MAML2: variants seen among roughly 807,000 people sequenced by gnomAD.
MAML2 encodes mastermind-like protein 2.
In MAML2, 22 loss-of-function variants were observed where a neutral mutation model predicts 96.1. The ratio of observed to expected loss-of-function variants is 0.23; its 90% confidence interval spans 0.16 to 0.33. The LOEUF (loss-of-function observed/expected upper bound fraction) is 0.33, where lower values mean the gene tolerates loss of function less well. Among genes scored for constraint, MAML2 ranks in the 10% least tolerant of loss-of-function variants. The pLI, the probability that MAML2 is intolerant of heterozygous loss-of-function variation, is 1.00. For synonymous variants in MAML2, 561 were observed against 521.3 expected (o/e 1.08, Z -1.04); for missense variants, 1,367 against 1,392.4 (o/e 0.98, Z 0.29).
Position 96,277,305 on chromosome 11 carries a change from A to C in MAML2, c.513+64078T>G, listed in dbSNP as rs552737932. Among the ~76,000 whole-genome samples the C allele has an allele frequency of 2.1e-3, 317 of 152,228 alleles. 1 individual carries two copies. Among genetic ancestry groups the C allele is most frequent in the African/African-American group, 7.4e-3 (308 of 41,496 alleles). On this transcript the variant is annotated intron_variant, in intron 1 of 4. Coordinates refer to ENST00000524717, the MANE Select transcript of MAML2 (RefSeq NM_032427.4). ...GAGTGTTTGTTACACGCACAGAATG[A>C]GAGATGATCAAGTCAGGGTATTTGG...
Position 96,305,675 on chromosome 11 carries a change from C to G in MAML2, c.513+35708G>C, listed in dbSNP as rs866430928. 8.6e-4 allele frequency among the ~76,000 whole-genome samples: 131 copies of G among 152,270 alleles called. 1 individual carries two copies. Among genetic ancestry groups the G allele is most frequent in the African/African-American group, 3.1e-3 (129 of 41,532 alleles). On this transcript the variant is annotated intron_variant, in intron 1 of 4. Coordinates refer to ENST00000524717, the MANE Select transcript of MAML2 (RefSeq NM_032427.4). ...GATATCTGTAAGTTACTATTCAAGTCATCTAATACACAAAGGGAATTTTTT... is the reference window on the plus strand; with the variant it reads ...GATATCTGTAAGTTACTATTCAAGTGATCTAATACACAAAGGGAATTTTTT...
intron 2 of MAML2, among the ~76,000 whole-genome samples, chr11:96,011,811 T>C (rs1858271380): frequency 6.6e-6 from 1 of 152,192 alleles, no homozygotes; most frequent in African/African-American, 2.4e-5. Context: ...TTTAGGAAAA[T>C]GCCAAGACAT....
chr11:96,107,752 C>T (rs780364795), intron 1 of MAML2, among the ~76,000 whole-genome samples: 1 of 152,048 alleles, frequency 6.6e-6, no homozygotes, highest in Non-Finnish European at 1.5e-5. Context: ...ATTTAATCAA[C>T]CACGTCTATG....
chr11:96,143,774 A>G (rs570420069), intron 1 of MAML2, among the ~76,000 whole-genome samples: 1 of 152,278 alleles, frequency 6.6e-6, no homozygotes, highest in Admixed American at 6.5e-5. Context: ...TTTAATCACA[A>G]TCTCCACCTC....
Position 96,092,359 on chromosome 11 carries a change from G to C in MAML2, c.1672C>G (p.Pro558Ala), listed in dbSNP as rs1204779995. Reference protein sequence around the residue: ...AMEPRQGNTKPLFHFNSDQAN... With the variant: ...AMEPRQGNTKALFHFNSDQAN... Reference sequence around the variant, plus strand: ...TGATCTGAGTTAAAATGAAACAAAGGCTTGGTGTTGCCCTGACGGGGCTCC... The same window carrying C: ...TGATCTGAGTTAAAATGAAACAAAGCCTTGGTGTTGCCCTGACGGGGCTCC... Residue 558 changes from proline to alanine, a missense_variant, in exon 2 of 5, where the codon CCT becomes GCT. Coordinates refer to ENST00000524717, the MANE Select transcript of MAML2 (RefSeq NM_032427.4). The surrounding 1 kb of genome is among the most constrained non-coding windows in gnomAD (Gnocchi z 4.1). 8 of 1,613,278 alleles carry C rather than the reference G, an allele frequency of 5.0e-6. No homozygotes were observed. The highest frequency in any genetic ancestry group is 1.3e-5 in the African/African-American group (1 of 74,902).
At chr11:96,295,113 G>C (rs1395805661) in intron 1 of MAML2, among the ~76,000 whole-genome samples, 1 of 152,164 alleles carries the variant, frequency 6.6e-6, no homozygotes, top group Non-Finnish European at 1.5e-5. Flanking sequence ...CATCAACACT[G>C]AGGTAACACC....
chr11:96,192,406 G>A (rs1044023845), intron 1 of MAML2, among the ~76,000 whole-genome samples: 19 of 152,194 alleles, frequency 1.2e-4, no homozygotes, highest in African/African-American at 4.8e-5. Context: ...CAGGAAGAAG[G>A]AGCCCATCAG....
chr11:95,995,878 C>T (rs1591082323), intron 2 of MAML2, among the ~76,000 whole-genome samples: 1 of 152,292 alleles, frequency 6.6e-6, no homozygotes, highest in Middle Eastern at 3.4e-3. Context: ...ATAAGCTACA[C>T]ATACCACACA....
At chr11:96,286,275 G>A (rs1182771568) in intron 1 of MAML2, among the ~76,000 whole-genome samples, 2 of 152,150 alleles carry the variant, frequency 1.3e-5, no homozygotes, top group South Asian at 4.1e-4. Flanking sequence ...GCTGAATGAC[G>A]AGAACACATG....
At chr11:96,295,123 C>T (rs984026856) in intron 1 of MAML2, among the ~76,000 whole-genome samples, 2 of 152,100 alleles carry the variant, frequency 1.3e-5, no homozygotes, top group East Asian at 1.9e-4. Flanking sequence ...GAGGTAACAC[C>T]AGGTGAATGA....
chr11:96,320,220 T>G (rs1863682444), intron 1 of MAML2, among the ~76,000 whole-genome samples: 1 of 152,200 alleles, frequency 6.6e-6, no homozygotes, highest in South Asian at 2.1e-4. Context: ...TTATATTGAT[T>G]GGATTATGTC....
At chr11:96,157,907 T>A (rs1161964086) in intron 1 of MAML2, among the ~76,000 whole-genome samples, 1 of 152,228 alleles carries the variant, frequency 6.6e-6, no homozygotes, top group African/African-American at 2.4e-5. Context: ...TTTTGTTTTC[T>A]TTTCCTTTCA....
chr11:96,214,120 C>G (rs10501845), intron 1 of MAML2, among the ~76,000 whole-genome samples: 13,952 of 152,140 alleles, frequency 0.092, 708 homozygotes, highest in African/African-American at 0.12. Context: ...GTGAAAGTAT[C>G]TCCTATTATT....
chr11:96,146,109 A>G (rs1172405343), intron 1 of MAML2, among the ~76,000 whole-genome samples: 1 of 152,260 alleles, frequency 6.6e-6, no homozygotes, highest in Non-Finnish European at 1.5e-5. Flanking sequence ...ATCTACTCCT[A>G]TAACCACAAA....
chr11:96,216,124 T>C (rs1216557582), intron 1 of MAML2, among the ~76,000 whole-genome samples: 1 of 152,104 alleles, frequency 6.6e-6, no homozygotes, highest in African/African-American at 2.4e-5. Flanking sequence ...TCTTCAGAAG[T>C]TGGTAGTTGG....
At chr11:96,160,817 T>A (rs1428169336) in intron 1 of MAML2, among the ~76,000 whole-genome samples, 2 of 152,172 alleles carry the variant, frequency 1.3e-5, no homozygotes, top group Non-Finnish European at 2.9e-5. Context: ...AGAATCTATG[T>A]AGCCCTGTGC....
chr11:96,183,483 G>A (rs958565626), intron 1 of MAML2, among the ~76,000 whole-genome samples: 1 of 141,652 alleles, frequency 7.1e-6, no homozygotes, highest in African/African-American at 2.6e-5. Context: ...CTGCAGCCTT[G>A]ACCTCCTGGG....
chr11:96,148,328 G>A (rs550626753), intron 1 of MAML2, among the ~76,000 whole-genome samples: 1 of 152,128 alleles, frequency 6.6e-6, no homozygotes, highest in African/African-American at 2.4e-5. Flanking sequence ...GTCTGATTTT[G>A]TCAGGCATGC....
chr11:96,140,878 C>T (rs549368807), intron 1 of MAML2, among the ~76,000 whole-genome samples: 1 of 152,320 alleles, frequency 6.6e-6, no homozygotes, highest in East Asian at 1.9e-4. Context: ...ATTTTAGGGA[C>T]ACACAGGAAC....
Sources: allele counts gnomAD v4.1 joint callset (sites outside exome capture counted in the v4.1 genomes callset), GRCh38; gene constraint gnomAD v4.1.1; non-coding constraint Gnocchi (gnomAD v3.1); transcripts MANE v1.5; gene names NCBI Gene and HGNC (gene_info 2026-07-23, HGNC 2026-07-21).